Variants in NPHP4 observed in about 807,000 individuals in gnomAD.
NPHP4 encodes the protein nephrocystin 4, also known as nephrocystin-4.
In NPHP4, 151 loss-of-function variants were observed where a neutral mutation model predicts 155.8. The ratio of observed to expected loss-of-function variants is 0.97; its 90% CI spans 0.85 to 1.11. NPHP4 has a LOEUF of 1.11. Ranked by LOEUF, NPHP4 falls within the 50% of genes least tolerant of loss-of-function variation. The probability of loss-of-function intolerance (pLI) is 0.00; values close to 1 mark genes in which losing one functional copy is unlikely to be tolerated. For synonymous variants in NPHP4, 845 were observed against 816.8 expected, an observed-to-expected ratio of 1.03 and a Z score of -0.59; for missense variants, 1,956 against 1,925.7, an observed-to-expected ratio of 1.02 and a Z score of -0.29.
rs114835001 is a variant in NPHP4, at chr1:5,883,551, T to G, written c.2486-3312A>C. ...CAGTCCTGGCAAGCTCTCTGTCACG[T>G]CCCGAGGACCTGCTCCAAGAAGGAG... On this transcript the variant is annotated intron_variant, in intron 18 of 29. Transcript: ENST00000378156. Among the ~76,000 whole-genome samples the G allele has an allele frequency of 3.5e-3, 538 of 152,236 alleles. 3 individuals carry two copies. The highest frequency in any genetic ancestry group is 0.011 in the African/African-American group (449 of 41,534).
At chr1:5,917,590 C>T (rs1195605715) in intron 11 of NPHP4, among the ~76,000 whole-genome samples, 1 of 152,134 alleles carries the variant, frequency 6.6e-6, no homozygotes, top group African/African-American at 2.4e-5. Flanking sequence ...CCCTTGTATA[C>T]AAAAGGGTTT....
intron 3 of NPHP4, among the ~76,000 whole-genome samples, chr1:5,971,714 C>A (rs999702017): frequency 1.3e-5 from 2 of 152,240 alleles, no homozygotes; most frequent in African/African-American, 2.4e-5. Flanking sequence ...TACACACATC[C>A]TTCAGTCTAG....
At chr1:5,907,825 C>A (rs1461420309) in intron 12 of NPHP4, among the ~76,000 whole-genome samples, 1 of 152,216 alleles carries the variant, frequency 6.6e-6, no homozygotes, top group African/African-American at 2.4e-5. Flanking sequence ...AACTGCAGGA[C>A]TGTTAGGAGA....
intron 11 of NPHP4, 128 bp from the exon 12 acceptor site, chr1:5,909,341 C>A (rs1357969566): frequency 1.6e-5 from 12 of 758,804 alleles, no homozygotes; most frequent in Non-Finnish European, 2.6e-5. Context: ...GGGGCAGCCG[C>A]TGGTTACCGT....
chr1:5,947,322 A>G, intron 8 of NPHP4, 92 bp from the exon 9 acceptor site: 3 of 1,426,758 alleles, frequency 2.1e-6, no homozygotes, highest in Middle Eastern at 2.5e-4. Context: ...AGTCAAGGGG[A>G]CACCCTGGGG....
chr1:5,869,336 C>T (rs1641756529), intron 23 of NPHP4, among the ~76,000 whole-genome samples: 2 of 145,620 alleles, frequency 1.4e-5, no homozygotes, highest in South Asian at 4.5e-4. Context: ...CACACACCAC[C>T]CACACATGCA....
At chr1:5,976,111 A>C (rs1653515827) in intron 3 of NPHP4, among the ~76,000 whole-genome samples, 1 of 152,188 alleles carries the variant, frequency 6.6e-6, no homozygotes, top group Non-Finnish European at 1.5e-5. Context: ...AACAAAATGC[A>C]GGGCTCCTCA....
chr1:5,908,333 A>G (rs1039585919), intron 12 of NPHP4, among the ~76,000 whole-genome samples: 2 of 152,018 alleles, frequency 1.3e-5, no homozygotes, highest in African/African-American at 4.8e-5. Context: ...AGTATTCTTC[A>G]CTCCTGATCC....
intron 3 of NPHP4, among the ~76,000 whole-genome samples, chr1:5,977,306 C>T (rs1007249468): frequency 6.6e-6 from 1 of 152,052 alleles, no homozygotes. Flanking sequence ...CTCCTCTCGT[C>T]CTAACACCCC....
chr1:5,945,931 C>T lies in NPHP4; in HGVS notation c.1119+1173G>A, dbSNP rs180948332. Among the ~76,000 whole-genome samples the T allele has an allele frequency of 4.2e-3, 645 of 152,266 alleles. 5 individuals are homozygous for T. The highest frequency in any genetic ancestry group is 0.014 in the African/African-American group (598 of 41,528). On this transcript the variant is annotated intron_variant, in intron 9 of 29. Coordinates refer to ENST00000378156, the MANE Select transcript of NPHP4 (RefSeq NM_015102.5). ...CCCCCCAGGGCGTGAATCATCCCTC[C>T]GTCCCGCATATCCACACTGTAGACA...
Position 5,905,590 on chromosome 1 carries a change from C to T in NPHP4, c.1763+42G>A, listed in dbSNP as rs373909586. On this transcript the variant is annotated intron_variant, in intron 14 of 29. Coordinates refer to ENST00000378156, the MANE Select transcript of NPHP4 (RefSeq NM_015102.5). This position sits in a 1 kb window ranked among gnomAD's most constrained non-coding sequence, Gnocchi z 4.0. ...CACAAGGTCCAACAGTCTGACGGCA[C>T]AGCACGTGACTGGTTCCATCCCACC... The T allele has an allele frequency of 1.4e-5, 23 of 1,611,988 alleles. No homozygotes were observed. The East Asian group carries it at 1.8e-4, about 12-fold the overall frequency.
intron 7 of NPHP4, 30 bp downstream of exon 7, chr1:5,952,670 C>T: frequency 6.6e-7 from 1 of 1,526,712 alleles, no homozygotes; most frequent in Non-Finnish European, 8.8e-7. Flanking sequence ...TGGCCCCACC[C>T]TGCCCCCCAT....
intron 12 of NPHP4, 119 bp from the exon 13 acceptor site, chr1:5,907,341 G>C (rs1365993598): frequency 3.6e-6 from 2 of 562,852 alleles, no homozygotes; most frequent in Non-Finnish European, 6.1e-6. Context: ...CCACGGAAGG[G>C]AGTGATGCCT....
At chr1:5,873,844 ACAC>A (rs999107101) in intron 22 of NPHP4, 3 of 237,002 alleles carry the variant, frequency 1.3e-5, no homozygotes, top group South Asian at 5.0e-5. Flanking sequence ...CCCTGCACAC[ACAC>A]AACTGCATGT....
chr1:5,885,995 T>G (rs1295846121), intron 18 of NPHP4, among the ~76,000 whole-genome samples: 1 of 152,212 alleles, frequency 6.6e-6, no homozygotes, highest in Non-Finnish European at 1.5e-5. Flanking sequence ...ATCTCTCTCT[T>G]GCAGGCAAAG....
In NPHP4 at chr1:5,904,709, T is replaced by C. The variant is rs200667197; in HGVS notation, c.2051A>G (p.Gln684Arg). 2.4e-5 allele frequency: 39 copies of C among 1,614,058 alleles called. No homozygotes were observed. The Middle Eastern group carries it at 1.6e-3, about 68-fold the overall frequency. Reference sequence around the variant, plus strand: ...GCCGGCCTCATCCAGCTGGACCAGCTGCAGTCGTGGCGTCGTTGCGGGTGG... The same window carrying C: ...GCCGGCCTCATCCAGCTGGACCAGCCGCAGTCGTGGCGTCGTTGCGGGTGG... ...RFPPATTPRL[Q>R]LVQLDEAGQP... The change falls in exon 16 of 30, where the codon CAG (glutamine) becomes CGG (arginine). Residue 684 changes from glutamine (Q) to arginine (R), a missense_variant. Physicochemically the swap from Gln to Arg is conservative, Grantham distance 43. Transcript: ENST00000378156.
intron 23 of NPHP4, among the ~76,000 whole-genome samples, chr1:5,868,589 C>T (rs1166684187): frequency 6.6e-6 from 1 of 151,460 alleles, no homozygotes; most frequent in African/African-American, 2.4e-5. Flanking sequence ...CACATACATG[C>T]ACACCCACAT....
At chr1:5,926,092 T>G (rs1645990940) in intron 11 of NPHP4, among the ~76,000 whole-genome samples, 1 of 152,098 alleles carries the variant, frequency 6.6e-6, no homozygotes. Context: ...GGGATTCTAG[T>G]ACAAGGGGGA....
chr1:5,877,275 T>C lies in NPHP4; in HGVS notation c.2635A>G (p.Lys879Glu). 1 of 1,601,912 alleles carries C rather than the reference T, an allele frequency of 6.2e-7. No homozygotes were observed. Among genetic ancestry groups the C allele is most frequent in the Non-Finnish European group, 8.5e-7 (1 of 1,170,764 alleles). Reference protein sequence around the residue: ...SRRKHVVQAQKLADVDSELAA... With the variant: ...SRRKHVVQAQELADVDSELAA... ...AGCTCACTGTCCACGTCCGCCAGCT[T>C]CTGTGCTTGCACCACGTGTTTTCCT... is the stretch of plus-strand genomic sequence containing the variant. Residue 879 changes from lysine (K) to glutamate (E), a missense_variant, in exon 20 of 30, where the codon AAG (lysine) becomes GAG (glutamate). Transcript: ENST00000378156.
Sources: gnomAD v4.1 joint callset for allele counts (sites outside exome capture counted in the v4.1 genomes callset) on GRCh38, gnomAD v4.1.1 for gene constraint, Gnocchi (gnomAD v3.1) non-coding constraint, MANE v1.5 for transcripts, NCBI Gene and HGNC (gene_info 2026-07-23, HGNC 2026-07-21) for gene names.